The following STXBP4 variants were observed in gnomAD, a reference collection of about 807,000 sequenced individuals.
STXBP4 encodes the protein syntaxin-binding protein 4.
A neutral mutation model predicts 76.1 loss-of-function variants in STXBP4; 55 were observed. The observed-to-expected ratio is 0.72, with a 90% confidence interval of 0.58 to 0.91. STXBP4 has a LOEUF of 0.91. Ranked by LOEUF, STXBP4 falls within the 40% of genes least tolerant of loss-of-function variation. The pLI is 0.00. For synonymous variants in STXBP4, 201 were observed against 220.2 expected, an observed-to-expected ratio of 0.91 and a Z score of 0.77; for missense variants, 618 against 636.9, an observed-to-expected ratio of 0.97 and a Z score of 0.32.
At chr17:54,985,538 A>G (rs547928002) in intron 1 of STXBP4, 76 bp from the exon 2 acceptor site, 39 of 152,340 alleles carry the variant, frequency 2.6e-4, no homozygotes, top group Admixed American at 9.1e-4. Context: ...TTTTAATTAA[A>G]TGACACCACT....
Position 54,993,669 on chromosome 17 carries a change from A to G in STXBP4, c.180+2712A>G, listed in dbSNP as rs372762246. Among the ~76,000 whole-genome samples, 3 of 152,354 alleles carry G rather than the reference A, an allele frequency of 2.0e-5. 1 individual carries two copies. The highest frequency in any genetic ancestry group is 1.9e-4 in the East Asian group (1 of 5,190). On this transcript the variant is annotated intron_variant, in intron 4 of 17. Transcript: ENST00000376352. ...ACATGTTAATAAATTTCTAGTCTGC[A>G]CAAAATTTCTACATAGTAGAATCTG... is the stretch of plus-strand genomic sequence containing the variant.
intron 11 of STXBP4, 124 bp downstream of exon 11, chr17:55,043,449 A>AT (rs1391036903): frequency 1.9e-5 from 14 of 746,664 alleles, no homozygotes; most frequent in Non-Finnish European, 2.9e-5. Flanking sequence ...TTAATATCAA[A>AT]TAGTAAAAAT....
chr17:54,982,440 G>A (rs754259715), intron 1 of STXBP4, among the ~76,000 whole-genome samples: 14 of 151,978 alleles, frequency 9.2e-5, no homozygotes, highest in Non-Finnish European at 1.9e-4. Context: ...TTTCTCCAAT[G>A]TTCCACTTTC....
intron 10 of STXBP4, among the ~76,000 whole-genome samples, chr17:55,039,220 G>C (rs182521751): frequency 5.9e-5 from 9 of 152,272 alleles, no homozygotes; most frequent in African/African-American, 2.2e-4. Context: ...ATTCATAACA[G>C]TTGGCATTTG....
At chr17:55,086,748 A>G (rs1028818237) in intron 16 of STXBP4, among the ~76,000 whole-genome samples, 3 of 152,140 alleles carry the variant, frequency 2.0e-5, no homozygotes, top group African/African-American at 7.2e-5. Flanking sequence ...TGTCTCTTCA[A>G]TATGCTGACT....
chr17:55,047,104 T>A lies in STXBP4; in HGVS notation c.961T>A (p.Ser321Thr). 6.2e-7 allele frequency: 1 copy of A among 1,604,886 alleles called. No homozygotes were observed. The highest frequency in any genetic ancestry group is 8.5e-7 in the Non-Finnish European group (1 of 1,173,634). Residue 321 changes from serine (S) to threonine (T), a missense_variant, in exon 12 of 18, where the codon TCA (serine) becomes ACA (threonine). Physicochemically the swap from Ser to Thr is moderately conservative, Grantham distance 58. Transcript: ENST00000376352. ...TTAAATATAGGAAAAATTATTGGAA[T>A]CAGATAAGCAAAGGAAACAATTGAC... ...VNTLKEKLLE[S>T]DKQRKQLTEE... is the part of the protein sequence containing the mutation.
the STXBP4 span, among the ~76,000 whole-genome samples, chr17:55,210,658 T>C: frequency 6.6e-6 from 1 of 152,248 alleles, no homozygotes; most frequent in Non-Finnish European, 1.5e-5. Flanking sequence ...CCACTTAAAA[T>C]ATACACAGAT....
downstream of STXBP4, among the ~76,000 whole-genome samples, chr17:55,174,306 G>A (rs77668884): frequency 0.02 from 3,119 of 152,216 alleles, 78 homozygotes; most frequent in East Asian, 0.15. Context: ...TATTCCCATC[G>A]GCTGTGTATG....
intron 1 of STXBP4, among the ~76,000 whole-genome samples, chr17:54,975,219 A>G (rs544695551): frequency 1.3e-5 from 2 of 152,214 alleles, no homozygotes; most frequent in East Asian, 3.9e-4. Context: ...GCTCACTGCA[A>G]CCTCTGCCTC....
At chr17:54,971,375 A>T (rs1406002346) in intron 1 of STXBP4, among the ~76,000 whole-genome samples, 1 of 152,246 alleles carries the variant, frequency 6.6e-6, no homozygotes, top group African/African-American at 2.4e-5. Flanking sequence ...TCAATGTATC[A>T]ACTGATTCAC....
chr17:55,081,060 G>A lies in STXBP4; in HGVS notation c.1366G>A (p.Ala456Thr), dbSNP rs1598294241. The A allele has an allele frequency of 1.3e-6, 2 of 1,502,874 alleles. No homozygotes were observed. Among genetic ancestry groups the A allele is most frequent in the East Asian group, 5.2e-5 (2 of 38,392 alleles). 93.1% of individuals were successfully genotyped at this position (1,502,874 alleles called of 1,614,324 possible). ...TPLSNLSERRAVLASQTSLTP... is the reference protein window; with the variant it reads ...TPLSNLSERRTVLASQTSLTP... The stretch of plus-strand genomic sequence containing the variant: ...TTATTGCCTTCATAGTGAAAGAAGA[G>A]CTGTGTTAGCTTCTCAGACTTCCCT... Residue 456 changes from alanine (A) to threonine (T), a missense_variant, in exon 16 of 18, where the codon GCT becomes ACT. Coordinates refer to ENST00000376352, the MANE Select transcript of STXBP4 (RefSeq NM_178509.6).
chr17:55,112,740 G>A (rs1567767889), intron 16 of STXBP4, among the ~76,000 whole-genome samples: 1 of 152,112 alleles, frequency 6.6e-6, no homozygotes, highest in Non-Finnish European at 1.5e-5. Flanking sequence ...CCCTAATATT[G>A]TAGAGAAAGT....
chr17:55,210,131 A>G, the STXBP4 span, among the ~76,000 whole-genome samples: 1 of 152,236 alleles, frequency 6.6e-6, no homozygotes, highest in Non-Finnish European at 1.5e-5. Context: ...TTATCTCCCA[A>G]GCAGGACCCC....
At chr17:55,003,577 TTTC>T (rs543236914) in intron 7 of STXBP4, among the ~76,000 whole-genome samples, 320 of 152,312 alleles carry the variant, frequency 2.1e-3, no homozygotes, top group Non-Finnish European at 3.6e-3. Context: ...CACTTCTAGA[TTTC>T]TTCAGTTACC....
At position 55,015,647 on chromosome 17, in the gene STXBP4, A is replaced by G. The variant is rs376147059; in HGVS notation, c.666+8050A>G. 4.6e-5 allele frequency among the ~76,000 whole-genome samples: 7 copies of G among 152,114 alleles called. No homozygotes were observed. The South Asian group carries it at 1.2e-3, about 27-fold the overall frequency. ...CCTCCTCCCACTGCTTGGAGTGGGC[A>G]TAATCGGGGAATATTGGCACTCTTT... On this transcript the variant is annotated intron_variant, in intron 8 of 17. Coordinates refer to ENST00000376352, the MANE Select transcript of STXBP4 (RefSeq NM_178509.6).
chr17:55,147,907 G>T (rs1420021759), intron 17 of STXBP4, among the ~76,000 whole-genome samples: 1 of 151,750 alleles, frequency 6.6e-6, no homozygotes, highest in Non-Finnish European at 1.5e-5. Flanking sequence ...GGGAGAAGTG[G>T]TGTGTAGGAC....
chr17:55,040,773 G>A (rs1333976002), intron 10 of STXBP4, among the ~76,000 whole-genome samples: 1 of 152,130 alleles, frequency 6.6e-6, no homozygotes, highest in Non-Finnish European at 1.5e-5. Flanking sequence ...GATATTGCGA[G>A]AACCAGACAG....
At chr17:55,138,218 T>C (rs1355281460) in intron 16 of STXBP4, among the ~76,000 whole-genome samples, 2 of 152,120 alleles carry the variant, frequency 1.3e-5, no homozygotes, top group African/African-American at 2.4e-5. Context: ...TCAAGGGTCA[T>C]GTCTATTTGT....
At chr17:55,076,686 T>G (rs1424976375) in intron 13 of STXBP4, among the ~76,000 whole-genome samples, 1 of 152,176 alleles carries the variant, frequency 6.6e-6, no homozygotes, top group South Asian at 2.1e-4. Context: ...CGAAGAGCAA[T>G]GTCTTCTGCC....
Sources: allele counts gnomAD v4.1 joint callset (sites outside exome capture counted in the v4.1 genomes callset), GRCh38; gene constraint gnomAD v4.1.1; transcripts MANE v1.5; gene names NCBI Gene and HGNC (gene_info 2026-07-23, HGNC 2026-07-21).